The following CNTNAP2 variants were observed in gnomAD, a reference collection of about 807,000 sequenced individuals.
CNTNAP2 encodes the protein contactin-associated protein-like 2.
Under a neutral mutation model 155.2 loss-of-function variants are expected in CNTNAP2, and 98 were observed. That is an observed-to-expected ratio of 0.63 (90% CI 0.54 to 0.75). The LOEUF is 0.75. Ranked by LOEUF, CNTNAP2 falls within the 30% of genes least tolerant of loss-of-function variation. The pLI, the probability that CNTNAP2 is intolerant of heterozygous loss-of-function variation, is 0.00. For missense variants in CNTNAP2, 1,727 were observed against 1,688.1 expected (o/e 1.02, Z -0.40); for synonymous variants, 651 against 631.2 (o/e 1.03, Z -0.47).
chr7:148,343,405 C>T (rs928170016), intron 21 of CNTNAP2, among the ~76,000 whole-genome samples: 6 of 152,196 alleles, frequency 3.9e-5, no homozygotes, highest in African/African-American at 1.2e-4. Context: ...TATGTTTCGA[C>T]GTCCAGTCTG....
chr7:147,143,013 G>C (rs935333429), intron 8 of CNTNAP2, among the ~76,000 whole-genome samples: 6 of 152,048 alleles, frequency 3.9e-5, no homozygotes, highest in African/African-American at 1.4e-4. Flanking sequence ...CTTGTATCTT[G>C]AATAACAATT....
intron 12 of CNTNAP2, among the ~76,000 whole-genome samples, chr7:147,566,480 T>G (rs1175794856): frequency 6.6e-6 from 1 of 151,900 alleles, no homozygotes; most frequent in Non-Finnish European, 1.5e-5. Context: ...ATTGAGTAAT[T>G]TATAAAGGAA....
intron 13 of CNTNAP2, among the ~76,000 whole-genome samples, chr7:147,662,328 T>C (rs190806949): frequency 6.6e-5 from 10 of 152,304 alleles, no homozygotes; most frequent in Non-Finnish European, 1.3e-4. Flanking sequence ...TAGACTATGA[T>C]GGGATGGCAC....
chr7:146,910,502 A>G (rs1359355237), intron 3 of CNTNAP2, among the ~76,000 whole-genome samples: 2 of 150,756 alleles, frequency 1.3e-5, no homozygotes, highest in Non-Finnish European at 2.9e-5. Flanking sequence ...ATAACGCCAC[A>G]TACCTACAAC....
chr7:146,446,790 G>GAGTC (rs1177966918), intron 1 of CNTNAP2, among the ~76,000 whole-genome samples: 1 of 151,974 alleles, frequency 6.6e-6, no homozygotes, highest in African/African-American at 2.4e-5. Context: ...ACTCACCTAT[G>GAGTC]AGTCCTGCCC....
intron 8 of CNTNAP2, among the ~76,000 whole-genome samples, chr7:147,296,684 C>A (rs1442446980): frequency 6.6e-6 from 1 of 152,074 alleles, no homozygotes; most frequent in East Asian, 1.9e-4. Flanking sequence ...AAAAAGTAGA[C>A]CCTGATATAT....
At chr7:147,545,568 T>G (rs771091581) in intron 11 of CNTNAP2, among the ~76,000 whole-genome samples, 7 of 152,200 alleles carry the variant, frequency 4.6e-5, no homozygotes, top group Admixed American at 1.3e-4. Flanking sequence ...TCTTTGCTAG[T>G]CTTCCATAGG....
chr7:146,464,584 C>G (rs965770530), intron 1 of CNTNAP2, among the ~76,000 whole-genome samples: 1 of 152,058 alleles, frequency 6.6e-6, no homozygotes, highest in African/African-American at 2.4e-5. Context: ...CTTCTTCCCT[C>G]TTTTTCTCTT....
intron 2 of CNTNAP2, among the ~76,000 whole-genome samples, chr7:146,819,203 G>A (rs1803230007): frequency 1.3e-5 from 2 of 152,164 alleles, no homozygotes; most frequent in Non-Finnish European, 2.9e-5. Flanking sequence ...ATTATGAATA[G>A]TGGTAGATGG....
intron 2 of CNTNAP2, among the ~76,000 whole-genome samples, chr7:146,812,857 C>T (rs1051630360): frequency 5.3e-5 from 8 of 152,152 alleles, no homozygotes; most frequent in East Asian, 1.9e-4. Context: ...TGTGCAGCCT[C>T]GGGAGATGGT....
intron 13 of CNTNAP2, among the ~76,000 whole-genome samples, chr7:147,854,141 A>G (rs17825924): frequency 0.044 from 6,738 of 152,218 alleles, 269 homozygotes; most frequent in Admixed American, 0.12. Context: ...TAATTCTTCT[A>G]TCTAGGATTC....
At chr7:147,121,279 AAAC>A (rs2129282786) in intron 6 of CNTNAP2, 116 bp downstream of exon 6, 2 of 1,009,842 alleles carry the variant, frequency 2.0e-6, no homozygotes, top group East Asian at 5.2e-5. Flanking sequence ...TTTCTTCTCT[AAAC>A]AAGACACTGA....
chr7:147,962,456 T>C (rs1030355310), intron 14 of CNTNAP2, among the ~76,000 whole-genome samples: 1 of 152,172 alleles, frequency 6.6e-6, no homozygotes, highest in Non-Finnish European at 1.5e-5. Context: ...ATGGAAATCA[T>C]CCTTCATTAC....
At chr7:147,559,717 C>G (rs1277098425) in intron 11 of CNTNAP2, among the ~76,000 whole-genome samples, 4 of 152,114 alleles carry the variant, frequency 2.6e-5, no homozygotes, top group Non-Finnish European at 5.9e-5. Flanking sequence ...TTCTCTTGAG[C>G]TATACATACC....
At position 146,573,235 on chromosome 7, in the gene CNTNAP2, C is replaced by T. The variant is rs140755862; in HGVS notation, c.98-201036C>T. On this transcript the variant is annotated intron_variant, in intron 1 of 23. Transcript: ENST00000361727. ...TCGGCTCACTGCAGCCTCTGCCTCC[C>T]AGGTTCAAGTGATTCTCCTGCCTCA... Among the ~76,000 whole-genome samples, 955 of 152,204 alleles carry T rather than the reference C, an allele frequency of 6.3e-3. 7 individuals carry two copies. The highest frequency in any genetic ancestry group is 0.022 in the African/African-American group (912 of 41,520).
chr7:147,880,857 GTGTGT>G lies in CNTNAP2; in HGVS notation c.2099-22707_2099-22703del, dbSNP rs1799507719. Among the ~76,000 whole-genome samples the G allele has an allele frequency of 7.6e-5, 4 of 52,930 alleles. No individual in the cohort carries two copies. In the South Asian group the frequency reaches 2.0e-3, roughly 27 times the overall value. 34.7% of individuals were successfully genotyped at this position (52,930 alleles called of 152,430 possible). A position where few individuals can be genotyped will look rare whatever the true frequency, so the allele number is the denominator to read the frequency against. On this transcript the variant is annotated intron_variant, in intron 13 of 23. Transcript: ENST00000361727. Reference sequence around the variant, plus strand: ...TTTCATGTGATGATTGGAGTTGGGTGTGTGTGTGTGTGTGTGTGTGTGTGTGTGTG... The same window carrying G: ...TTTCATGTGATGATTGGAGTTGGGTGGTGTGTGTGTGTGTGTGTGTGTGTG...
Position 147,289,404 on chromosome 7 carries a change from T to TA in CNTNAP2, c.1349-10727dup, listed in dbSNP as rs921665206. 3.7e-3 allele frequency among the ~76,000 whole-genome samples: 491 copies of TA among 132,020 alleles called. 1 individual carries two copies. The highest frequency in any genetic ancestry group is 0.012 in the African/African-American group (423 of 35,960). The allele number at this position is 132,020 out of a possible 152,430, so 86.6% of individuals were successfully genotyped here. On this transcript the variant is annotated intron_variant, in intron 8 of 23. Coordinates refer to ENST00000361727, the MANE Select transcript of CNTNAP2 (RefSeq NM_014141.6). ...TTATATTCAACAGAGAATCAAATACTAAAAAAAAAACAGGAGAGACAATTG... is the reference window on the plus strand; with the variant it reads ...TTATATTCAACAGAGAATCAAATACTAAAAAAAAAAACAGGAGAGACAATTG...
chr7:147,285,649 C>T (rs974184789), intron 8 of CNTNAP2, among the ~76,000 whole-genome samples: 1 of 151,908 alleles, frequency 6.6e-6, no homozygotes, highest in African/African-American at 2.4e-5. Flanking sequence ...TTTAAAAAGT[C>T]ATTGACCAAT....
intron 4 of CNTNAP2, among the ~76,000 whole-genome samples, chr7:147,096,078 G>A (rs2129275347): frequency 6.6e-6 from 1 of 152,176 alleles, no homozygotes. Context: ...TTTACCTTTT[G>A]AAAAATAAAA....
Sources: gnomAD v4.1 joint callset for allele counts (sites outside exome capture counted in the v4.1 genomes callset) on GRCh38, gnomAD v4.1.1 for gene constraint, MANE v1.5 for transcripts, NCBI Gene and HGNC (gene_info 2026-07-23, HGNC 2026-07-21) for gene names.